Variants in USP8 observed in about 807,000 individuals in gnomAD.
USP8 encodes the protein ubiquitin specific peptidase 8, also known as ubiquitin carboxyl-terminal hydrolase 8.
A neutral mutation model predicts 130.0 loss-of-function variants in USP8; 27 were observed. That is an observed-to-expected ratio of 0.21 (90% CI 0.15 to 0.29). USP8 has a LOEUF of 0.29. Ranked by LOEUF, USP8 falls within the 10% of genes least tolerant of loss-of-function variation. The pLI is 1.00. For missense variants in USP8, 1,029 were observed against 1,312.2 expected (o/e 0.78, Z 3.33); for synonymous variants, 392 against 444.1 (o/e 0.88, Z 1.48).
intron 4 of USP8, among the ~76,000 whole-genome samples, chr15:50,451,711 C>G (rs962964814): frequency 6.6e-6 from 1 of 152,130 alleles, no homozygotes; most frequent in East Asian, 1.9e-4. Flanking sequence ...TTAGAGCAAC[C>G]CTGTGTGAAC....
intron 12 of USP8, among the ~76,000 whole-genome samples, chr15:50,485,669 C>G (rs1192916947): frequency 7.3e-6 from 1 of 137,874 alleles, no homozygotes; most frequent in Non-Finnish European, 1.5e-5. Context: ...CCAATTTAGT[C>G]TACCCTAAAG....
intron 3 of USP8, among the ~76,000 whole-genome samples, chr15:50,447,216 T>C (rs1461247907): frequency 6.6e-6 from 1 of 152,190 alleles, no homozygotes; most frequent in Non-Finnish European, 1.5e-5. Flanking sequence ...GACGCTGGTC[T>C]TATGGGAATG....
At chr15:50,498,130 A>G (rs913502071) in intron 18 of USP8, among the ~76,000 whole-genome samples, 2 of 152,188 alleles carry the variant, frequency 1.3e-5, no homozygotes, top group Non-Finnish European at 2.9e-5. Flanking sequence ...CATTGTTTTG[A>G]TGTTTAAAGG....
At position 50,503,836 on chromosome 15, in the gene USP8, A is replaced by G. The variant is rs1057157729; in HGVS notation, c.*4748A>G. 1.3e-5 allele frequency: 2 copies of G among 152,252 alleles called. No individual in the cohort carries two copies. Among genetic ancestry groups the G allele is most frequent in the African/African-American group, 4.8e-5 (2 of 41,474 alleles). The allele number at this position is 152,252 out of a possible 1,614,324, so 9.4% of individuals were successfully genotyped here. ...AATGAAGTTGAGATCACAATTCAAAATAATAGAACATGCAAGGAAACAATT... is the reference window on the plus strand; with the variant it reads ...AATGAAGTTGAGATCACAATTCAAAGTAATAGAACATGCAAGGAAACAATT... On this transcript the variant is annotated 3_prime_UTR_variant, in exon 20 of 20. Coordinates refer to ENST00000307179, the MANE Select transcript of USP8 (RefSeq NM_005154.5).
intron 10 of USP8, among the ~76,000 whole-genome samples, chr15:50,478,033 T>C (rs536633281): frequency 6.6e-6 from 1 of 152,328 alleles, no homozygotes; most frequent in East Asian, 1.9e-4. Flanking sequence ...TCCAAGCCAG[T>C]TGGCGATCCA....
rs748253446 is a variant in USP8, at chr15:50,500,966, G to T, written c.*1878G>T. 6 of 810,542 alleles carry T rather than the reference G, an allele frequency of 7.4e-6. No homozygotes were observed. The highest frequency in any genetic ancestry group is 1.2e-5 in the Non-Finnish European group (6 of 502,200). 50.2% of individuals were successfully genotyped at this position (810,542 alleles called of 1,614,324 possible). Reference sequence around the variant, plus strand: ...TAAATTAAAAGGAAGTGATAATTTTGTTGTTAAATCATGCATATAGCCTGA... The same window carrying T: ...TAAATTAAAAGGAAGTGATAATTTTTTTGTTAAATCATGCATATAGCCTGA... On this transcript the variant is annotated 3_prime_UTR_variant, in exon 20 of 20. Coordinates refer to ENST00000307179, the MANE Select transcript of USP8 (RefSeq NM_005154.5).
Position 50,481,481 on chromosome 15 carries a change from A to G in USP8, c.1219A>G (p.Ile407Val). The G allele has an allele frequency of 1.3e-6, 2 of 1,581,224 alleles. No homozygotes were observed. The highest frequency in any genetic ancestry group is 1.7e-6 in the Non-Finnish European group (2 of 1,168,214). The stretch of plus-strand genomic sequence containing the variant: ...TTTTGCTCTGGTTTTGTTGCTCTAG[A>G]TTGATCGTACTAAAAAACCAGCAGT... Reference protein sequence around the residue: ...PVPSIKNVPQIDRTKKPAVKL... With the variant: ...PVPSIKNVPQVDRTKKPAVKL... Residue 407 changes from isoleucine to valine, a missense_variant and splice_region_variant, in exon 11 of 20, where the codon ATT (isoleucine) becomes GTT (valine). Physicochemically the swap from Ile to Val is conservative, Grantham distance 29. Transcript: ENST00000307179.
chr15:50,446,008 G>A (rs2050429851), intron 3 of USP8, among the ~76,000 whole-genome samples: 1 of 152,126 alleles, frequency 6.6e-6, no homozygotes, highest in Non-Finnish European at 1.5e-5. Context: ...GAAAGAAAAT[G>A]TATTGAAAAT....
intron 12 of USP8, 21 bp from the exon 13 acceptor site, chr15:50,489,780 T>A (rs772226492): frequency 3.0e-5 from 43 of 1,415,312 alleles, no homozygotes; most frequent in Middle Eastern, 2.6e-4. Context: ...TTTTTAATTT[T>A]TTTTATTTTA....
At chr15:50,461,923 G>A (rs1027259125) in intron 5 of USP8, among the ~76,000 whole-genome samples, 6 of 152,084 alleles carry the variant, frequency 3.9e-5, no homozygotes, top group African/African-American at 1.4e-4. Context: ...ATTATGTGGT[G>A]GAGGACACTG....
chr15:50,462,463 T>A, intron 6 of USP8, 141 bp downstream of exon 6: 1 of 656,032 alleles, frequency 1.5e-6, no homozygotes, highest in East Asian at 3.3e-5. Context: ...TCCTAGTCTG[T>A]ACAATTATAT....
At chr15:50,487,542 G>A (rs2052008894) in intron 12 of USP8, among the ~76,000 whole-genome samples, 1 of 152,198 alleles carries the variant, frequency 6.6e-6, no homozygotes. Context: ...TCTAAGCAGG[G>A]CTTCACACCA....
At position 50,443,318 on chromosome 15, in the gene USP8, C is replaced by T. The variant is rs576291705; in HGVS notation, c.249+1825C>T. Among the ~76,000 whole-genome samples, 4 of 152,062 alleles carry T rather than the reference C, an allele frequency of 2.6e-5. No homozygotes were observed. In the East Asian group the frequency reaches 5.8e-4, roughly 22 times the overall value. The stretch of plus-strand genomic sequence containing the variant: ...TCTCCCAAAGTGCTGGGATTACAGG[C>T]GTGATCCTGTGAGCCACTGTGCCTG... On this transcript the variant is annotated intron_variant, in intron 3 of 19. Transcript: ENST00000307179.
intron 4 of USP8, among the ~76,000 whole-genome samples, chr15:50,452,495 A>C (rs1334425906): frequency 6.6e-6 from 1 of 152,206 alleles, no homozygotes; most frequent in Non-Finnish European, 1.5e-5. Flanking sequence ...AAAATAGGAA[A>C]AAAGAGAATC....
Position 50,500,538 on chromosome 15 carries a change from G to C in USP8, c.*1450G>C, listed in dbSNP as rs1322205045. 4 of 452,840 alleles carry C rather than the reference G, an allele frequency of 8.8e-6. No individual in the cohort carries two copies. Among genetic ancestry groups the C allele is most frequent in the Non-Finnish European group, 1.6e-5 (4 of 245,744 alleles). 28.1% of individuals were successfully genotyped at this position (452,840 alleles called of 1,614,324 possible). On this transcript the variant is annotated 3_prime_UTR_variant, in exon 20 of 20. Coordinates refer to ENST00000307179, the MANE Select transcript of USP8 (RefSeq NM_005154.5). ...AAAGGTTGTATAACATGCCCACAAG[G>C]CATAAAAATGTTAATGATGCAAGTA...
chr15:50,493,163 T>A, intron 15 of USP8: 1 of 572,222 alleles, frequency 1.7e-6, no homozygotes, highest in Non-Finnish European at 3.3e-6. Context: ...AGACTCGTCC[T>A]GTCGAGCCCT....
At chr15:50,443,651 T>A (rs1358499859) in intron 3 of USP8, among the ~76,000 whole-genome samples, 1 of 151,730 alleles carries the variant, frequency 6.6e-6, no homozygotes, top group Non-Finnish European at 1.5e-5. Context: ...GTCCAGCTAA[T>A]TTTTGTGTTT....
At chr15:50,439,568 C>T (rs960660310) in intron 2 of USP8, among the ~76,000 whole-genome samples, 2 of 152,036 alleles carry the variant, frequency 1.3e-5, no homozygotes, top group East Asian at 3.9e-4. Flanking sequence ...GTGGGCGGAT[C>T]ACCTAAGGTC....
rs1237239411 is a variant in USP8 at position 50,509,547 on chromosome 15, C to CT, written c.*10460dup. ...CTGTAGTCCCAAGCTACTCAGGAGG[C>CT]TGAGACAGGAGAATGACTTGAACCC... On this transcript the variant is annotated 3_prime_UTR_variant, in exon 20 of 20. Coordinates refer to ENST00000307179, the MANE Select transcript of USP8 (RefSeq NM_005154.5). 1.3e-5 allele frequency: 2 copies of CT among 152,202 alleles called. No homozygotes were observed. Among genetic ancestry groups the CT allele is most frequent in the Non-Finnish European group, 2.9e-5 (2 of 68,122 alleles). The allele number at this position is 152,202 out of a possible 1,614,324, so 9.4% of individuals were successfully genotyped here.
Sources: gnomAD v4.1 joint callset for allele counts (sites outside exome capture counted in the v4.1 genomes callset) on GRCh38, gnomAD v4.1.1 for gene constraint, MANE v1.5 for transcripts, NCBI Gene and HGNC (gene_info 2026-07-23, HGNC 2026-07-21) for gene names.